VPS26C: variants seen among roughly 807,000 people sequenced by gnomAD.
VPS26C encodes VPS26 endosomal protein sorting factor C, also known as vacuolar protein sorting-associated protein 26C.
A neutral mutation model predicts 30.6 loss-of-function variants in VPS26C; 19 were observed. The observed-to-expected ratio is 0.62, with a 90% CI of 0.43 to 0.91. The LOEUF (loss-of-function observed/expected upper bound fraction) is 0.91, where lower values mean the gene tolerates loss of function less well. VPS26C is among the 40% of genes least tolerant of loss of function. The pLI, the probability that VPS26C is intolerant of heterozygous loss-of-function variation, is 0.00. For missense variants in VPS26C, 318 were observed against 385.1 expected, an observed-to-expected ratio of 0.83 and a Z score of 1.46; for synonymous variants, 132 against 151.5, an observed-to-expected ratio of 0.87 and a Z score of 0.95.
intron 3 of VPS26C, among the ~76,000 whole-genome samples, chr21:37,234,007 G>A (rs2085994369): frequency 6.6e-6 from 1 of 152,232 alleles, no homozygotes; most frequent in Non-Finnish European, 1.5e-5. Context: ...CATGCAGTGA[G>A]GACTGCAACC....
intron 1 of VPS26C, among the ~76,000 whole-genome samples, chr21:37,262,716 G>C (rs1412353493): frequency 2.6e-5 from 4 of 152,130 alleles, no homozygotes; most frequent in African/African-American, 4.8e-5. Context: ...CAGGGAGTCA[G>C]GAAGAGTAAG....
At chr21:37,264,158 T>C (rs944133697) in intron 1 of VPS26C, among the ~76,000 whole-genome samples, 1 of 152,260 alleles carries the variant, frequency 6.6e-6, no homozygotes, top group African/African-American at 2.4e-5. Context: ...ACTTTCTCTT[T>C]TCTGTCGCCT....
upstream of VPS26C, chr21:37,267,462 G>GC (rs35672675): frequency 1 from 612,710 of 612,734 alleles, 306,343 homozygotes; most frequent in Middle Eastern, 1. Context: ...AGGGGCGAAT[G>GC]CCCACGCCTT....
intron 3 of VPS26C, among the ~76,000 whole-genome samples, chr21:37,234,052 C>T (rs964689716): frequency 6.6e-6 from 1 of 152,234 alleles, no homozygotes; most frequent in Admixed American, 6.5e-5. Context: ...AACCCTTCCT[C>T]GCTGGGCACC....
chr21:37,267,402 C>T, upstream of VPS26C: 2 of 981,946 alleles, frequency 2.0e-6, no homozygotes, highest in Middle Eastern at 2.5e-4. Context: ...TCTCTGCCGG[C>T]AGTGGCTCAC....
At chr21:37,235,194 T>A (rs2086007548) in intron 3 of VPS26C, among the ~76,000 whole-genome samples, 1 of 152,154 alleles carries the variant, frequency 6.6e-6, no homozygotes, top group Admixed American at 6.5e-5. Flanking sequence ...TTAGTAGAGA[T>A]GGGGTTTCAC....
At chr21:37,259,552 T>G (rs989265077) in intron 1 of VPS26C, among the ~76,000 whole-genome samples, 11 of 152,214 alleles carry the variant, frequency 7.2e-5, no homozygotes, top group Non-Finnish European at 1.5e-4. Flanking sequence ...AAAGATTTAC[T>G]GCAGGATTTT....
chr21:37,267,650 T>G, upstream of VPS26C: 1 of 292,584 alleles, frequency 3.4e-6, no homozygotes, highest in East Asian at 8.0e-5. Context: ...GGAACGGCTC[T>G]CCCCGCGTGC....
chr21:37,230,317 C>T (rs1177651629), intron 5 of VPS26C, among the ~76,000 whole-genome samples: 3 of 152,202 alleles, frequency 2.0e-5, no homozygotes, highest in African/African-American at 7.2e-5. Flanking sequence ...ATCATTTTCC[C>T]TCTCCTCCCA....
intron 1 of VPS26C, among the ~76,000 whole-genome samples, chr21:37,259,207 T>TAA: frequency 6.9e-6 from 1 of 144,768 alleles, no homozygotes; most frequent in East Asian, 2.0e-4. Context: ...TATTTAAGCT[T>TAA]AAAAAAAAAA....
chr21:37,238,794 C>T (rs1420205636), intron 2 of VPS26C, among the ~76,000 whole-genome samples, 185 bp from the exon 3 acceptor site: 1 of 152,168 alleles, frequency 6.6e-6, no homozygotes, highest in African/African-American at 2.4e-5. Context: ...GACTCTGGCA[C>T]AATAATGATT....
chr21:37,232,363 G>GTA lies in VPS26C; in HGVS notation c.507+13_507+14insTA. On this transcript the variant is annotated intron_variant, in intron 5 of 7. Coordinates refer to ENST00000309117, the MANE Select transcript of VPS26C (RefSeq NM_006052.2). ...GAAGATACCCACGGCATTCGCCTGT[G>GTA]CAGGACGTCTTACCTCTTTGACGTT... The GTA allele has an allele frequency of 6.2e-7, 1 of 1,612,554 alleles. No homozygotes were observed. The highest frequency in any genetic ancestry group is 8.5e-7 in the Non-Finnish European group (1 of 1,178,690).
intron 1 of VPS26C, among the ~76,000 whole-genome samples, chr21:37,242,463 C>T (rs570590045): frequency 4.6e-5 from 7 of 151,596 alleles, no homozygotes; most frequent in African/African-American, 7.3e-5. Flanking sequence ...ATTAGCCAGG[C>T]GTGGTGGTGT....
At chr21:37,267,143 C>T in intron 1 of VPS26C, 95 bp downstream of exon 1, 1 of 1,176,340 alleles carries the variant, frequency 8.5e-7, no homozygotes, top group East Asian at 2.5e-5. Context: ...CCCTGCCCCG[C>T]CTAGGGACGC....
At position 37,235,882 on chromosome 21, in the gene VPS26C, T is replaced by A. The variant is rs1043687732; in HGVS notation, c.352-2440A>T. 1.3e-4 allele frequency among the ~76,000 whole-genome samples: 19 copies of A among 144,720 alleles called. No homozygotes were observed. The South Asian group carries it at 3.8e-3, about 29-fold the overall frequency. The allele number at this position is 144,720 out of a possible 152,430, so 94.9% of individuals were successfully genotyped here. A position where few individuals can be genotyped will look rare whatever the true frequency, so the allele number is the denominator to read the frequency against. ...ATATATATATATATATATATATATT[T>A]TTTTTTTTAATTAAAAAATTTTTTT... On this transcript the variant is annotated intron_variant, in intron 3 of 7. Transcript: ENST00000309117.
chr21:37,234,766 G>A (rs1040178430), intron 3 of VPS26C, among the ~76,000 whole-genome samples: 1 of 152,118 alleles, frequency 6.6e-6, no homozygotes, highest in South Asian at 2.1e-4. Flanking sequence ...AGGTACTACT[G>A]GGAGAGTAAA....
chr21:37,260,450 G>C (rs1171174489), intron 1 of VPS26C, among the ~76,000 whole-genome samples: 3 of 152,150 alleles, frequency 2.0e-5, no homozygotes, highest in African/African-American at 7.2e-5. Context: ...GTCAGGCCAA[G>C]GCAGGAGGAT....
At chr21:37,235,879 A>ATATT (rs1555930580) in intron 3 of VPS26C, among the ~76,000 whole-genome samples, 267 of 111,244 alleles carry the variant, frequency 2.4e-3, no homozygotes, top group Non-Finnish European at 3.6e-3. Flanking sequence ...ATATATATAT[A>ATATT]TTTTTTTTTT....
At chr21:37,266,905 T>C in intron 1 of VPS26C, 1 of 415,984 alleles carries the variant, frequency 2.4e-6, no homozygotes, top group Non-Finnish European at 4.3e-6. Flanking sequence ...CAGCGCTCAC[T>C]GAGGGAGCTC....
Sources: gnomAD v4.1 joint callset for allele counts (sites outside exome capture counted in the v4.1 genomes callset) on GRCh38, gnomAD v4.1.1 for gene constraint, MANE v1.5 for transcripts, NCBI Gene and HGNC (gene_info 2026-07-23, HGNC 2026-07-21) for gene names.